SERBP1: variants seen among roughly 807,000 people sequenced by gnomAD.
SERBP1 encodes SERPINE1 mRNA binding protein 1, also known as SERPINE1 mRNA-binding protein 1.
In SERBP1, 6 loss-of-function variants were observed where a neutral mutation model predicts 50.2. The observed-to-expected ratio is 0.12, with a 90% CI of 0.07 to 0.24. SERBP1 has a LOEUF of 0.24. SERBP1 is among the 10% of genes least tolerant of loss of function. The probability of loss-of-function intolerance (pLI) is 1.00; values close to 1 mark genes in which losing one functional copy is unlikely to be tolerated. For synonymous variants in SERBP1, 168 were observed against 182.8 expected, an observed-to-expected ratio of 0.92 and a Z score of 0.65; for missense variants, 346 against 524.9, an observed-to-expected ratio of 0.66 and a Z score of 3.33.
chr1:67,420,500 T>C (rs1204437979), intron 5 of SERBP1: 4 of 205,794 alleles, frequency 1.9e-5, no homozygotes, highest in Non-Finnish European at 3.8e-5. Context: ...AACACTACCT[T>C]GTTTAAAAAC....
At chr1:67,419,974 T>G (rs1235290490) in intron 6 of SERBP1, 35 bp downstream of exon 6, 1 of 1,582,888 alleles carries the variant, frequency 6.3e-7, no homozygotes, top group African/African-American at 1.3e-5. Flanking sequence ...AAGTCACATC[T>G]GAACATTTTC....
chr1:67,417,971 G>GTTTT (rs397861816), intron 6 of SERBP1, among the ~76,000 whole-genome samples: 2,149 of 76,550 alleles, frequency 0.028, 60 homozygotes, highest in Middle Eastern at 0.033. Context: ...TTAAAGTGTT[G>GTTTT]TTTTTTTTTT....
At chr1:67,427,532 T>C (rs1667428082) in intron 1 of SERBP1, among the ~76,000 whole-genome samples, 1 of 152,200 alleles carries the variant, frequency 6.6e-6, no homozygotes, top group African/African-American at 2.4e-5. Flanking sequence ...TAACTATCAA[T>C]CTCTTCAATA....
chr1:67,422,798 A>G lies in SERBP1; in HGVS notation c.773+1402T>C, dbSNP rs571731431. On this transcript the variant is annotated intron_variant, in intron 5 of 7. Transcript: ENST00000361219. Reference sequence around the variant, plus strand: ...AACATGGTGAAATCCTGTCTCTACTAAAAATACAAAAAATTAGCTGGGCGT... The same window carrying G: ...AACATGGTGAAATCCTGTCTCTACTGAAAATACAAAAAATTAGCTGGGCGT... Among the ~76,000 whole-genome samples the G allele has an allele frequency of 9.3e-5, 14 of 151,010 alleles. 1 individual carries two copies. Among genetic ancestry groups the G allele is most frequent in the Admixed American group, 7.3e-4 (11 of 15,168 alleles).
rs140637352 is a variant in SERBP1, at chr1:67,419,743, A to G, written c.951+266T>C. On this transcript the variant is annotated intron_variant, in intron 6 of 7. Coordinates refer to ENST00000361219, the MANE Select transcript of SERBP1 (RefSeq NM_001018069.2). Reference sequence around the variant, plus strand: ...AGAACTATCATATTTCTGAACACCAATAACTACAAGATACTCCACTAACAG... The same window carrying G: ...AGAACTATCATATTTCTGAACACCAGTAACTACAAGATACTCCACTAACAG... 1,003 of 387,372 alleles carry G rather than the reference A, an allele frequency of 2.6e-3. 9 individuals carry two copies. The highest frequency in any genetic ancestry group is 0.018 in the African/African-American group (870 of 47,110). The allele number at this position is 387,372 out of a possible 1,614,324, so 24.0% of individuals were successfully genotyped here.
chr1:67,425,105 T>G lies in SERBP1; in HGVS notation c.583A>C (p.Arg195=). The part of the protein sequence containing the change: ...FDSRGKREFD[R]HSGSDRSSFS... ...TACGATCTATCACTTCCACTATGCC[T>G]ATCAAATTCACGTTTGCCACGAGAA... The change falls in exon 3 of 8, where the codon AGG becomes CGG. Residue 195 remains arginine (R), a synonymous_variant. Transcript: ENST00000361219. 6.2e-7 allele frequency: 1 copy of G among 1,611,350 alleles called. No homozygotes were observed. Among genetic ancestry groups the G allele is most frequent in the Non-Finnish European group, 8.5e-7 (1 of 1,179,710 alleles).
At chr1:67,429,778 C>T in intron 1 of SERBP1, 2 of 555,086 alleles carry the variant, frequency 3.6e-6, no homozygotes, top group Non-Finnish European at 6.3e-6. Context: ...GGGGATGGCT[C>T]CGAGAACCTC....
Position 67,430,127 on chromosome 1 carries a change from C to T in SERBP1, c.174G>A (p.Ala58=). 4 of 1,611,976 alleles carry T rather than the reference C, an allele frequency of 2.5e-6. No homozygotes were observed. Among genetic ancestry groups the T allele is most frequent in the Non-Finnish European group, 3.4e-6 (4 of 1,179,798 alleles). Residue 58 remains alanine, a synonymous_variant, in exon 1 of 8, where the codon GCG becomes GCA. Coordinates refer to ENST00000361219, the MANE Select transcript of SERBP1 (RefSeq NM_001018069.2). ...GPGAKSAAQA[A]AQTNSNAAGK... ...CTGCCGCGTTGGAGTTGGTCTGGGC[C>T]GCGGCCTGAGCTGCGCTCTTGGCCC... is the stretch of plus-strand genomic sequence containing the variant.
In SERBP1 at chr1:67,424,468, T is replaced by A. The variant is rs77223473; in HGVS notation, c.696-191A>T. On this transcript the variant is annotated intron_variant, in intron 4 of 7. Coordinates refer to ENST00000361219, the MANE Select transcript of SERBP1 (RefSeq NM_001018069.2). Reference sequence around the variant, plus strand: ...CCAGAAGACGTCGAAAAGTAAACAATATAAACTAGTTAGTTCATATACTTC... The same window carrying A: ...CCAGAAGACGTCGAAAAGTAAACAAAATAAACTAGTTAGTTCATATACTTC... The A allele has an allele frequency of 7.1e-5, 45 of 635,216 alleles. No individual in the cohort carries two copies. In the African/African-American group the frequency reaches 8.0e-4, roughly 11 times the overall value. The allele number at this position is 635,216 out of a possible 1,614,324, so 39.3% of individuals were successfully genotyped here.
chr1:67,424,370 G>A, intron 4 of SERBP1, 93 bp from the exon 5 acceptor site: 1 of 1,516,946 alleles, frequency 6.6e-7, no homozygotes, highest in South Asian at 1.3e-5. Context: ...TTTACATGTA[G>A]CTGAAAAGTT....
intron 5 of SERBP1, among the ~76,000 whole-genome samples, chr1:67,420,980 C>T (rs1667180683): frequency 6.6e-6 from 1 of 152,148 alleles, no homozygotes; most frequent in African/African-American, 2.4e-5. Context: ...CAATTGTCAC[C>T]AAACAAGTCA....
At chr1:67,415,473 CCACAGGTA>C (rs1345629502) in intron 6 of SERBP1, 134 bp from the exon 7 acceptor site, 25 of 780,242 alleles carry the variant, frequency 3.2e-5, no homozygotes, top group South Asian at 4.6e-5. Flanking sequence ...CTCAATGCCT[CCACAGGTA>C]ACAAGCTAGG....
At position 67,411,435 on chromosome 1, in the gene SERBP1, G is replaced by C. The variant is rs1221948101; in HGVS notation, c.*1772C>G. 1 of 152,166 alleles carries C rather than the reference G, an allele frequency of 6.6e-6. No homozygotes were observed. Among genetic ancestry groups the C allele is most frequent in the East Asian group, 1.9e-4 (1 of 5,200 alleles). The allele number at this position is 152,166 out of a possible 1,614,324, so 9.4% of individuals were successfully genotyped here. A position where few individuals can be genotyped will look rare whatever the true frequency, so the allele number is the denominator to read the frequency against. ...TGTCTCAATGAACAATGGGTCAATA[G>C]TTCATATGGACTAAATTAATCTCTG... On this transcript the variant is annotated 3_prime_UTR_variant, in exon 8 of 8. Coordinates refer to ENST00000361219, the MANE Select transcript of SERBP1 (RefSeq NM_001018069.2).
rs971540518 is a variant in SERBP1 at position 67,409,939 on chromosome 1, G to A, written c.*3268C>T. On this transcript the variant is annotated 3_prime_UTR_variant, in exon 8 of 8. Transcript: ENST00000361219. ...TTTTCTTAGTTAACCTGAAGATCTC[G>A]CTGGTACATGTTCAGACTTGCTAAA... 7.2e-5 allele frequency: 11 copies of A among 152,138 alleles called. No individual in the cohort carries two copies. The highest frequency in any genetic ancestry group is 1.5e-4 in the Non-Finnish European group (10 of 68,026). 9.4% of individuals were successfully genotyped at this position (152,138 alleles called of 1,614,324 possible). A position where few individuals can be genotyped will look rare whatever the true frequency, so the allele number is the denominator to read the frequency against.
chr1:67,421,682 G>A (rs1667202113), intron 5 of SERBP1, among the ~76,000 whole-genome samples: 1 of 152,124 alleles, frequency 6.6e-6, no homozygotes, highest in African/African-American at 2.4e-5. Flanking sequence ...GGTTGGACAC[G>A]GTGGCTCACA....
rs75171946 is a variant in SERBP1 at position 67,409,700 on chromosome 1, G to A, written c.*3507C>T. 4 of 152,108 alleles carry A rather than the reference G, an allele frequency of 2.6e-5. No homozygotes were observed. Among genetic ancestry groups the A allele is most frequent in the South Asian group, 2.1e-4 (1 of 4,830 alleles). The allele number at this position is 152,108 out of a possible 1,614,324, so 9.4% of individuals were successfully genotyped here. On this transcript the variant is annotated 3_prime_UTR_variant, in exon 8 of 8. Transcript: ENST00000361219. ...CTCCAAATTTGAACTTAAAAGTCAA[G>A]GAAGATGAAGAGGTAATCCCAGGGC...
In SERBP1 at chr1:67,430,304, G is replaced by A. The variant is rs1364341354; in HGVS notation, c.-4C>T. The A allele has an allele frequency of 5.4e-6, 8 of 1,492,032 alleles. No homozygotes were observed. The highest frequency in any genetic ancestry group is 2.2e-4 in the Middle Eastern group (1 of 4,622). 92.4% of individuals were successfully genotyped at this position (1,492,032 alleles called of 1,614,324 possible). A position where few individuals can be genotyped will look rare whatever the true frequency, so the allele number is the denominator to read the frequency against. On this transcript the variant is annotated 5_prime_UTR_variant, in exon 1 of 8. Transcript: ENST00000361219. Reference sequence around the variant, plus strand: ...CTTCCTGTAAGTGCCCAGGCATGATGGTGGCTCGGCGGCGCGTTCCTCCAC... The same window carrying A: ...CTTCCTGTAAGTGCCCAGGCATGATAGTGGCTCGGCGGCGCGTTCCTCCAC...
At position 67,412,705 on chromosome 1, in the gene SERBP1, A is replaced by C. The variant is rs1192511736; in HGVS notation, c.*502T>G. The C allele has an allele frequency of 6.5e-6, 1 of 153,450 alleles. No individual in the cohort carries two copies. Among genetic ancestry groups the C allele is most frequent in the East Asian group, 1.9e-4 (1 of 5,214 alleles). 9.5% of individuals were successfully genotyped at this position (153,450 alleles called of 1,614,324 possible). On this transcript the variant is annotated 3_prime_UTR_variant, in exon 8 of 8. Transcript: ENST00000361219. Reference sequence around the variant, plus strand: ...AATACATATAGTTAGTATTCCACACAGCATAAAATTTGACAAATCAAAGTT... The same window carrying C: ...AATACATATAGTTAGTATTCCACACCGCATAAAATTTGACAAATCAAAGTT...
chr1:67,419,734 T>C (rs1667144487), intron 6 of SERBP1: 3 of 356,226 alleles, frequency 8.4e-6, no homozygotes, highest in African/African-American at 2.2e-5. Context: ...ATCATATTTC[T>C]GAACACCAAT....
Sources: gnomAD v4.1 joint callset for allele counts (sites outside exome capture counted in the v4.1 genomes callset) on GRCh38, gnomAD v4.1.1 for gene constraint, MANE v1.5 for transcripts, NCBI Gene and HGNC (gene_info 2026-07-23, HGNC 2026-07-21) for gene names.